TMED7: variants seen among roughly 807,000 people sequenced by gnomAD.
The protein encoded by TMED7 is transmembrane emp24 domain-containing protein 7.
A neutral mutation model predicts 23.4 loss-of-function variants in TMED7; 8 were observed. That is an observed-to-expected ratio of 0.34 (90% CI 0.20 to 0.62). The LOEUF is 0.62. Among genes scored for constraint, TMED7 ranks in the 20% least tolerant of loss-of-function variants. TMED7 has a pLI of 0.77. For missense variants in TMED7, 232 were observed against 279.1 expected, an observed-to-expected ratio of 0.83 and a Z score of 1.20; for synonymous variants, 121 against 108.5, an observed-to-expected ratio of 1.12 and a Z score of -0.72.
chr5:115,617,389 G>A (rs1756814029), intron 2 of TMED7, among the ~76,000 whole-genome samples: 2 of 152,134 alleles, frequency 1.3e-5, no homozygotes, highest in Admixed American at 1.3e-4. Flanking sequence ...AAGTAAGTAT[G>A]AAAGGAATAA....
At chr5:115,622,549 C>G (rs1037369086) in intron 1 of TMED7, among the ~76,000 whole-genome samples, 5 of 152,182 alleles carry the variant, frequency 3.3e-5, no homozygotes, top group East Asian at 3.8e-4. Flanking sequence ...GCTGTATGGT[C>G]CTGTGCACTG....
intron 2 of TMED7, among the ~76,000 whole-genome samples, chr5:115,619,779 C>G (rs965379145): frequency 6.6e-6 from 1 of 152,102 alleles, no homozygotes; most frequent in Non-Finnish European, 1.5e-5. Context: ...GATTTTGAAG[C>G]ATTTTGGATT....
chr5:115,620,790 C>T (rs1757003024), intron 1 of TMED7, 110 bp from the exon 2 acceptor site: 4 of 1,237,080 alleles, frequency 3.2e-6, no homozygotes. Context: ...AGGACTTTTA[C>T]TATCTTTTTA....
At chr5:115,621,656 A>G (rs1038803146) in intron 1 of TMED7, among the ~76,000 whole-genome samples, 3 of 152,178 alleles carry the variant, frequency 2.0e-5, no homozygotes, top group Non-Finnish European at 4.4e-5. Flanking sequence ...CGGTAACTGG[A>G]TAAGTATTGT....
intron 1 of TMED7, among the ~76,000 whole-genome samples, chr5:115,623,261 A>G (rs1323965036): frequency 6.6e-6 from 1 of 152,242 alleles, no homozygotes; most frequent in Non-Finnish European, 1.5e-5. Flanking sequence ...TGTGCAAAGA[A>G]AACACCCTGG....
At chr5:115,619,256 TTAAAA>T (rs1292125819) in intron 2 of TMED7, 1 of 152,152 alleles carries the variant, frequency 6.6e-6, no homozygotes, top group African/African-American at 2.4e-5. Context: ...ACACAAGACC[TTAAAA>T]TAAAGAGAAC....
In TMED7 at chr5:115,613,508, TGAAA is replaced by T. The variant is rs1756553062; in HGVS notation, c.*2697_*2700del. On this transcript the variant is annotated 3_prime_UTR_variant, in exon 3 of 3. Transcript: ENST00000456936. ...ACAGAAACAAGTAAAGTCAGTTTGT[TGAAA>T]GATTTTTTTTTATTCTACAAGAAAT... 6.6e-6 allele frequency: 1 copy of T among 152,158 alleles called. No individual in the cohort carries two copies. Among genetic ancestry groups the T allele is most frequent in the Admixed American group, 6.5e-5 (1 of 15,276 alleles). The allele number at this position is 152,158 out of a possible 1,614,324, so 9.4% of individuals were successfully genotyped here. A position where few individuals can be genotyped will look rare whatever the true frequency, so the allele number is the denominator to read the frequency against.
At position 115,625,860 on chromosome 5, in the gene TMED7, C is replaced by G. The variant is rs944822982; in HGVS notation, c.-68G>C. On this transcript the variant is annotated 5_prime_UTR_variant, in exon 1 of 3. Coordinates refer to ENST00000456936, the MANE Select transcript of TMED7 (RefSeq NM_181836.6). ...GGGTCAGGTCTGCGCGGACTCACCG[C>G]GCGCGGCAGGCCTCAGCGCAGGCCA... The G allele has an allele frequency of 7.5e-7, 1 of 1,337,056 alleles. No individual in the cohort carries two copies. The highest frequency in any genetic ancestry group is 9.5e-7 in the Non-Finnish European group (1 of 1,050,882). The allele number at this position is 1,337,056 out of a possible 1,614,324, so 82.8% of individuals were successfully genotyped here.
chr5:115,620,378 A>G, intron 2 of TMED7, 57 bp downstream of exon 2: 1 of 1,438,830 alleles, frequency 7.0e-7, no homozygotes, highest in Non-Finnish European at 9.1e-7. Context: ...ATATTAAATT[A>G]TGCTTTTTTC....
chr5:115,624,339 A>T (rs1757132005), intron 1 of TMED7, among the ~76,000 whole-genome samples: 1 of 151,806 alleles, frequency 6.6e-6, no homozygotes, highest in African/African-American at 2.4e-5. Flanking sequence ...GATTCTACCT[A>T]CTACCTTCTC....
intron 1 of TMED7, among the ~76,000 whole-genome samples, chr5:115,624,084 G>T (rs1039092132): frequency 6.6e-6 from 1 of 152,112 alleles, no homozygotes; most frequent in African/African-American, 2.4e-5. Context: ...ACACATAACA[G>T]ATGCTAATTT....
chr5:115,617,023 A>C (rs1435043362), intron 2 of TMED7, among the ~76,000 whole-genome samples: 1 of 152,236 alleles, frequency 6.6e-6, no homozygotes, highest in Non-Finnish European at 1.5e-5. Flanking sequence ...TCTATTTGTT[A>C]AATCAGCCTT....
Position 115,620,464 on chromosome 5 carries a change from T to G in TMED7, c.409A>C (p.Ser137Arg), listed in dbSNP as rs1319672342. The G allele has an allele frequency of 6.4e-7, 1 of 1,570,102 alleles. No homozygotes were observed. The highest frequency in any genetic ancestry group is 1.2e-5 in the South Asian group (1 of 83,480). ...GTAAGAGCACTGACTCGGTTCTCACTAGGAAACAAAGGTGGGTCTTCTCCA... is the reference window on the plus strand; with the variant it reads ...GTAAGAGCACTGACTCGGTTCTCACGAGGAAACAAAGGTGGGTCTTCTCCA... ...QVGEDPPLFP[S>R]ENRVSALTQM... Residue 137 changes from serine (S) to arginine (R), a missense_variant, in exon 2 of 3, where the codon AGT becomes CGT. Transcript: ENST00000456936.
chr5:115,625,251 T>G (rs1012522743), intron 1 of TMED7, among the ~76,000 whole-genome samples: 2 of 152,166 alleles, frequency 1.3e-5, no homozygotes, highest in Non-Finnish European at 2.9e-5. Context: ...CCAATTAAAT[T>G]GGAGGTGTGG....
Position 115,615,909 on chromosome 5 carries a change from G to T in TMED7, c.*300C>A. ...AAAAGTAGTCTTAAATGGTTAAAAG[G>T]AATCAAAATACCAAAGTTTAGTGTG... is the stretch of plus-strand genomic sequence containing the variant. On this transcript the variant is annotated 3_prime_UTR_variant, in exon 3 of 3. Coordinates refer to ENST00000456936, the MANE Select transcript of TMED7 (RefSeq NM_181836.6). 1 of 327,856 alleles carries T rather than the reference G, an allele frequency of 3.1e-6. No homozygotes were observed. The allele number at this position is 327,856 out of a possible 1,614,324, so 20.3% of individuals were successfully genotyped here. A position where few individuals can be genotyped will look rare whatever the true frequency, so the allele number is the denominator to read the frequency against.
rs1463563903 is a variant in TMED7 at position 115,614,568 on chromosome 5, C to A, written c.*1641G>T. The A allele has an allele frequency of 6.6e-6, 1 of 152,402 alleles. No homozygotes were observed. Among genetic ancestry groups the A allele is most frequent in the Non-Finnish European group, 1.5e-5 (1 of 67,976 alleles). 9.4% of individuals were successfully genotyped at this position (152,402 alleles called of 1,614,324 possible). The stretch of plus-strand genomic sequence containing the variant: ...ACCCAAATTGATAAATCTGCAAAAT[C>A]TTAAACTTCTTAATCCATTGATAAA... On this transcript the variant is annotated 3_prime_UTR_variant, in exon 3 of 3. Coordinates refer to ENST00000456936, the MANE Select transcript of TMED7 (RefSeq NM_181836.6).
At position 115,614,620 on chromosome 5, in the gene TMED7, A is replaced by AC. The variant is rs550591569; in HGVS notation, c.*1588dup. ...ATTAAGGAGTAGCTGGTCTTCAAACACCGTAAAAAGTTAAAGGGTTGAAAA... is the reference window on the plus strand; with the variant it reads ...ATTAAGGAGTAGCTGGTCTTCAAACACCCGTAAAAAGTTAAAGGGTTGAAAA... On this transcript the variant is annotated 3_prime_UTR_variant, in exon 3 of 3. Transcript: ENST00000456936. The AC allele has an allele frequency of 1.0e-3, 158 of 152,294 alleles. No homozygotes were observed. Among genetic ancestry groups the AC allele is most frequent in the African/African-American group, 3.8e-3 (157 of 41,566 alleles). The allele number at this position is 152,294 out of a possible 1,614,324, so 9.4% of individuals were successfully genotyped here.
chr5:115,616,933 CACA>C (rs1189498623), intron 2 of TMED7, among the ~76,000 whole-genome samples: 2 of 152,070 alleles, frequency 1.3e-5, no homozygotes, highest in South Asian at 2.1e-4. Flanking sequence ...TTAAAACAGC[CACA>C]ACATCAAAAT....
chr5:115,618,690 T>TA (rs1051951672), intron 2 of TMED7, among the ~76,000 whole-genome samples: 1 of 152,198 alleles, frequency 6.6e-6, no homozygotes, highest in Non-Finnish European at 1.5e-5. Flanking sequence ...GTGTACTTCT[T>TA]ACTGCATATT....
Sources: allele counts gnomAD v4.1 joint callset (sites outside exome capture counted in the v4.1 genomes callset), GRCh38; gene constraint gnomAD v4.1.1; transcripts MANE v1.5; gene names NCBI Gene and HGNC (gene_info 2026-07-23, HGNC 2026-07-21).